The following PTPRD variants were observed in gnomAD, a reference collection of about 807,000 sequenced individuals.
PTPRD encodes the protein protein tyrosine phosphatase receptor type D.
PTPRD carries 34 observed loss-of-function variants against 214.5 expected under a neutral mutation model. That is an observed-to-expected ratio of 0.16 (90% confidence interval 0.12 to 0.21). PTPRD has a LOEUF of 0.21. PTPRD is among the 10% of genes least tolerant of loss of function. The pLI is 1.00. For missense variants in PTPRD, 2,545 were observed against 2,398.7 expected, an observed-to-expected ratio of 1.06 and a Z score of -1.27; for synonymous variants, 1,128 against 845.7, an observed-to-expected ratio of 1.33 and a Z score of -5.79.
intron 10 of PTPRD, among the ~76,000 whole-genome samples, chr9:9,108,836 A>C (rs2099802282): frequency 6.6e-6 from 1 of 152,140 alleles, no homozygotes; most frequent in Non-Finnish European, 1.5e-5. Context: ...AACTCCACTC[A>C]GTCTGGTCGG....
chr9:9,232,650 ACTGT>A (rs760775206), intron 9 of PTPRD, among the ~76,000 whole-genome samples: 5 of 152,136 alleles, frequency 3.3e-5, no homozygotes, highest in Non-Finnish European at 5.9e-5. Context: ...CTGTTTTCAC[ACTGT>A]CTTTTGTTTA....
At chr9:8,910,726 T>C (rs1358494590) in intron 11 of PTPRD, among the ~76,000 whole-genome samples, 1 of 152,238 alleles carries the variant, frequency 6.6e-6, no homozygotes, top group Admixed American at 6.5e-5. Flanking sequence ...TGGACTAAGA[T>C]AATCTACTAG....
chr9:8,485,361 C>T (rs1386798266), intron 28 of PTPRD, 37 bp from the exon 29 acceptor site: 2 of 1,456,622 alleles, frequency 1.4e-6, no homozygotes, highest in Non-Finnish European at 1.9e-6. Flanking sequence ...TTAAACTATT[C>T]TTAAAACAGA....
chr9:9,923,123 G>GTGTGTGTGTGTGTGTGTGTGTGT (rs1555340190), intron 5 of PTPRD, among the ~76,000 whole-genome samples: 3 of 144,960 alleles, frequency 2.1e-5, no homozygotes, highest in Admixed American at 2.1e-4. Flanking sequence ...GTGTGTGGGG[G>GTGTGTGTGTGTGTGTGTGTGTGT]GTGTGTGTGT....
At chr9:9,968,416 C>A (rs755979492) in intron 4 of PTPRD, among the ~76,000 whole-genome samples, 1 of 152,150 alleles carries the variant, frequency 6.6e-6, no homozygotes, top group Non-Finnish European at 1.5e-5. Context: ...TTAAAACATA[C>A]ACCTGTAAAA....
intron 12 of PTPRD, among the ~76,000 whole-genome samples, chr9:8,663,221 T>C (rs920883724): frequency 4.7e-5 from 7 of 150,536 alleles, no homozygotes; most frequent in African/African-American, 1.5e-4. Flanking sequence ...GTTTGAGGAA[T>C]GGAACACCCA....
At chr9:10,209,400 T>C (rs899313821) in intron 3 of PTPRD, among the ~76,000 whole-genome samples, 3 of 152,290 alleles carry the variant, frequency 2.0e-5, no homozygotes, top group Non-Finnish European at 4.4e-5. Flanking sequence ...ATACTTCTGC[T>C]CAGATTAGTG....
chr9:8,690,621 A>T (rs1200944917), intron 12 of PTPRD, among the ~76,000 whole-genome samples: 1 of 152,176 alleles, frequency 6.6e-6, no homozygotes, highest in African/African-American at 2.4e-5. Flanking sequence ...GTTTCTCATA[A>T]AATGGAGCAA....
intron 11 of PTPRD, among the ~76,000 whole-genome samples, chr9:8,928,203 T>A (rs2098917645): frequency 6.6e-6 from 1 of 152,228 alleles, no homozygotes; most frequent in African/African-American, 2.4e-5. Context: ...GCTCTTTAGT[T>A]TAAATAAATC....
chr9:9,103,807 C>T (rs1378159020), intron 10 of PTPRD, among the ~76,000 whole-genome samples: 2 of 151,956 alleles, frequency 1.3e-5, no homozygotes, highest in East Asian at 1.9e-4. Flanking sequence ...ACGATGAAAC[C>T]CTGTCTCTAC....
chr9:8,836,684 C>T (rs2097431715), intron 11 of PTPRD, among the ~76,000 whole-genome samples: 1 of 147,626 alleles, frequency 6.8e-6, no homozygotes, highest in Non-Finnish European at 1.5e-5. Flanking sequence ...GCAGCCTCTG[C>T]CTCCCAGGTT....
At chr9:8,439,701 T>C (rs966024490) in intron 34 of PTPRD, among the ~76,000 whole-genome samples, 1 of 152,126 alleles carries the variant, frequency 6.6e-6, no homozygotes, top group Non-Finnish European at 1.5e-5. Flanking sequence ...CAAAATATTG[T>C]TACACAATTC....
intron 7 of PTPRD, among the ~76,000 whole-genome samples, chr9:9,692,337 C>T (rs1275020508): frequency 1.3e-5 from 2 of 152,008 alleles, no homozygotes; most frequent in East Asian, 1.9e-4. Flanking sequence ...TTTCATTCTT[C>T]TGCATATGGA....
intron 10 of PTPRD, among the ~76,000 whole-genome samples, chr9:9,047,149 C>T (rs746684422): frequency 6.6e-6 from 1 of 151,938 alleles, no homozygotes; most frequent in Non-Finnish European, 1.5e-5. Context: ...TAAAAAAATA[C>T]TGTTTATAAT....
intron 5 of PTPRD, among the ~76,000 whole-genome samples, chr9:9,926,787 A>G (rs1602422959): frequency 6.6e-6 from 1 of 152,200 alleles, no homozygotes; most frequent in South Asian, 2.1e-4. Context: ...TAGTTTACCC[A>G]TGAGCATTTG....
At chr9:9,415,283 G>A (rs1297362574) in intron 8 of PTPRD, among the ~76,000 whole-genome samples, 1 of 152,028 alleles carries the variant, frequency 6.6e-6, no homozygotes, top group East Asian at 1.9e-4. Flanking sequence ...AGAGCAGACT[G>A]GCTAACAAGG....
chr9:10,354,590 G>C, intron 2 of PTPRD, among the ~76,000 whole-genome samples: 1 of 152,116 alleles, frequency 6.6e-6, no homozygotes, highest in East Asian at 1.9e-4. Context: ...TTACAAGAAT[G>C]TTTATTGTAT....
At chr9:9,653,946 A>C (rs564871351) in intron 7 of PTPRD, among the ~76,000 whole-genome samples, 1 of 152,238 alleles carries the variant, frequency 6.6e-6, no homozygotes, top group East Asian at 1.9e-4. Context: ...ATTATATATA[A>C]ACTTTTTTAT....
chr9:8,775,395 A>C (rs2095430253), intron 11 of PTPRD, among the ~76,000 whole-genome samples: 1 of 152,120 alleles, frequency 6.6e-6, no homozygotes, highest in African/African-American at 2.4e-5. Flanking sequence ...CTAGGAAATA[A>C]ACAAGGATGG....
Sources: allele counts gnomAD v4.1 joint callset (sites outside exome capture counted in the v4.1 genomes callset), GRCh38; gene constraint gnomAD v4.1.1; transcripts MANE v1.5; gene names NCBI Gene and HGNC (gene_info 2026-07-23, HGNC 2026-07-21).